The following NAT1 variants were observed in gnomAD, a reference collection of about 807,000 sequenced individuals.
The protein encoded by NAT1 is N-acetyltransferase 1.
For synonymous variants in NAT1, 144 were observed against 122.6 expected, an observed-to-expected ratio of 1.17 and a Z score of -1.16; for missense variants, 400 against 339.2, an observed-to-expected ratio of 1.18 and a Z score of -1.41.
rs547744925 is a variant in NAT1, at chr8:18,175,966, T to C, written n.92+5227T>C. On this transcript the variant is annotated intron_variant and non_coding_transcript_variant, in intron 2 of 4. Coordinates refer to the NAT1 transcript ENST00000517441. ...ACATTTCCCTGATGATTAAAGATTC[T>C]GAGCATTTTTCATGTATCTGTTAGC... Among the ~76,000 whole-genome samples the C allele has an allele frequency of 5.3e-5, 8 of 152,248 alleles. No homozygotes were observed. In the South Asian group the frequency reaches 1.7e-3, roughly 32 times the overall value.
chr8:18,179,072 C>T (rs896008127), intron 2 of NAT1, among the ~76,000 whole-genome samples: 29 of 152,144 alleles, frequency 1.9e-4, no homozygotes, highest in African/African-American at 2.7e-4. Flanking sequence ...GCCCGGCCTT[C>T]TCTCTTGTCC....
intron 1 of NAT1, among the ~76,000 whole-genome samples, chr8:18,215,202 A>G (rs908486551): frequency 1.3e-5 from 2 of 152,070 alleles, no homozygotes; most frequent in African/African-American, 2.4e-5. Context: ...TCTTTATCCA[A>G]TCTGTCATTG....
chr8:18,196,441 C>T (rs555528616), intron 2 of NAT1, among the ~76,000 whole-genome samples: 29 of 152,068 alleles, frequency 1.9e-4, no homozygotes, highest in Non-Finnish European at 3.7e-4. Context: ...TAAAAGCCAC[C>T]CACCAAACAC....
At chr8:18,181,032 C>A (rs1339835743) in intron 2 of NAT1, among the ~76,000 whole-genome samples, 2 of 151,824 alleles carry the variant, frequency 1.3e-5, no homozygotes, top group Non-Finnish European at 2.9e-5. Context: ...TTTTCTATTT[C>A]TGTGAAGTAT....
chr8:18,187,267 C>T (rs901593937), intron 2 of NAT1, among the ~76,000 whole-genome samples: 2 of 152,190 alleles, frequency 1.3e-5, no homozygotes, highest in Non-Finnish European at 2.9e-5. Flanking sequence ...TAAATCAGTT[C>T]AGCCACTGTG....
chr8:18,202,144 C>A (rs1803490671), intron 2 of NAT1, among the ~76,000 whole-genome samples: 1 of 152,176 alleles, frequency 6.6e-6, no homozygotes, highest in Non-Finnish European at 1.5e-5. Context: ...CAAACCTTAT[C>A]TTTGTGTAAG....
rs771386602 is a variant in NAT1 at position 18,219,499 on chromosome 8, G to A, written c.-7+10G>A. 55 of 1,504,106 alleles carry A rather than the reference G, an allele frequency of 3.7e-5. No individual in the cohort carries two copies. Among genetic ancestry groups the A allele is most frequent in the African/African-American group, 1.3e-4 (9 of 71,734 alleles). 93.2% of individuals were successfully genotyped at this position (1,504,106 alleles called of 1,614,324 possible). A position where few individuals can be genotyped will look rare whatever the true frequency, so the allele number is the denominator to read the frequency against. ...CAACTTACTAAGAAAGGTATTAAGC[G>A]CCTTTCTGAGAGCTCTCAGTGGGCT... is the stretch of plus-strand genomic sequence containing the variant. On this transcript the variant is annotated intron_variant, in intron 2 of 2. Coordinates refer to ENST00000307719, the MANE Select transcript of NAT1 (RefSeq NM_000662.8).
intron 2 of NAT1, among the ~76,000 whole-genome samples, chr8:18,202,537 C>T (rs902158475): frequency 6.6e-5 from 10 of 152,052 alleles, no homozygotes; most frequent in African/African-American, 2.4e-4. Context: ...TTTGTTCCTC[C>T]AGATGTTCAG....
intron 1 of NAT1, among the ~76,000 whole-genome samples, chr8:18,210,706 C>T (rs61737603): frequency 0.01 from 1,579 of 152,314 alleles, 24 homozygotes; most frequent in African/African-American, 0.035. Flanking sequence ...TGATAAAAAG[C>T]CCCTAATGAT....
upstream of NAT1, among the ~76,000 whole-genome samples, chr8:18,209,487 A>G (rs189979408): frequency 2.6e-5 from 4 of 152,372 alleles, no homozygotes; most frequent in Admixed American, 2.0e-4. Flanking sequence ...ATTATGTTGT[A>G]TAGAGAAAAA....
upstream of NAT1, among the ~76,000 whole-genome samples, chr8:18,209,065 G>A (rs1414789788): frequency 6.6e-6 from 1 of 152,170 alleles, no homozygotes; most frequent in Non-Finnish European, 1.5e-5. Context: ...AATTCCACTG[G>A]ACAACACCAG....
intron 2 of NAT1, among the ~76,000 whole-genome samples, chr8:18,186,124 A>G (rs1025862494): frequency 1.3e-5 from 2 of 151,858 alleles, no homozygotes; most frequent in Admixed American, 6.6e-5. Context: ...ATGAGAGTCA[A>G]GTTTGTTAGC....
At chr8:18,218,004 T>G (rs1458734677) in intron 1 of NAT1, among the ~76,000 whole-genome samples, 2 of 152,174 alleles carry the variant, frequency 1.3e-5, no homozygotes, top group Non-Finnish European at 2.9e-5. Context: ...TCCCTATATC[T>G]GTATTGACTG....
chr8:18,221,935 T>C, intron 2 of NAT1, 107 bp from the exon 3 acceptor site: 1 of 1,190,700 alleles, frequency 8.4e-7, no homozygotes, highest in Admixed American at 2.3e-5. Context: ...ATTATTATAC[T>C]TATAACCATT....
rs1188317428 is a variant in NAT1 at position 18,219,442 on chromosome 8, T to C, written c.-54T>C. ...AGCCAGGAAGAAGCAGCAATCTGTC[T>C]TCTGGATTAAAACTGAAGATCAACC... On this transcript the variant is annotated 5_prime_UTR_variant, in exon 2 of 3. Transcript: ENST00000307719. The C allele has an allele frequency of 5.8e-6, 9 of 1,550,522 alleles. No homozygotes were observed. The African/African-American group carries it at 1.1e-4, about 19-fold the overall frequency.
Position 18,192,216 on chromosome 8 carries a change from G to A in NAT1, n.93-17565G>A, listed in dbSNP as rs569471980. ...ACACTTCTCAAAAGAAGACATTTATGCAGCCAACAGACACATGAAAAAATG... is the reference window on the plus strand; with the variant it reads ...ACACTTCTCAAAAGAAGACATTTATACAGCCAACAGACACATGAAAAAATG... On this transcript the variant is annotated intron_variant and non_coding_transcript_variant, in intron 2 of 4. Coordinates refer to the NAT1 transcript ENST00000517441. Among the ~76,000 whole-genome samples, 24 of 152,140 alleles carry A rather than the reference G, an allele frequency of 1.6e-4. No individual in the cohort carries two copies. In the East Asian group the frequency reaches 3.9e-3, roughly 25 times the overall value.
chr8:18,206,585 T>C (rs1160874727), upstream of NAT1, among the ~76,000 whole-genome samples: 8 of 152,222 alleles, frequency 5.3e-5, no homozygotes, highest in Non-Finnish European at 7.3e-5. Flanking sequence ...CAAGCCCTTT[T>C]TTCATGTGTG....
chr8:18,195,528 G>A (rs1444273116), intron 2 of NAT1, among the ~76,000 whole-genome samples: 1 of 152,138 alleles, frequency 6.6e-6, no homozygotes, highest in Admixed American at 6.6e-5. Flanking sequence ...CATCCCCAGA[G>A]AACTGTATAC....
intron 1 of NAT1, among the ~76,000 whole-genome samples, chr8:18,211,005 G>A (rs578195230): frequency 6.6e-6 from 1 of 152,032 alleles, no homozygotes; most frequent in Non-Finnish European, 1.5e-5. Flanking sequence ...GGGTTTCACC[G>A]TCTTGGCTAG....
Sources: gnomAD v4.1 joint callset for allele counts (sites outside exome capture counted in the v4.1 genomes callset) on GRCh38, gnomAD v4.1.1 for gene constraint, MANE v1.5 for transcripts, NCBI Gene and HGNC (gene_info 2026-07-23, HGNC 2026-07-21) for gene names.